Variants in TAPBP observed in about 807,000 individuals in gnomAD.
The protein encoded by TAPBP is TAP binding protein.
A neutral mutation model predicts 45.7 loss-of-function variants in TAPBP; 38 were observed. The observed-to-expected ratio is 0.83, with a 90% CI of 0.64 to 1.09. TAPBP has a LOEUF of 1.09. Ranked by LOEUF, TAPBP falls within the 50% of genes least tolerant of loss-of-function variation. The pLI is 0.00. For missense variants in TAPBP, 513 were observed against 587.3 expected (o/e 0.87, Z 1.31); for synonymous variants, 226 against 254.8 (o/e 0.89, Z 1.08).
chr6:33,310,260 A>G (rs1769256187), intron 3 of TAPBP, among the ~76,000 whole-genome samples: 1 of 149,684 alleles, frequency 6.7e-6, no homozygotes, highest in Non-Finnish European at 1.5e-5. Context: ...AATCCCAGCA[A>G]TTTGGGAGGC....
At chr6:33,311,213 G>A (rs911662693) in intron 3 of TAPBP, among the ~76,000 whole-genome samples, 2 of 152,232 alleles carry the variant, frequency 1.3e-5, no homozygotes, top group African/African-American at 4.8e-5. Flanking sequence ...CTACTGGGGA[G>A]GCTAAGGCAC....
chr6:33,305,452 T>G lies in TAPBP; in HGVS notation c.470-65A>C. 6.9e-7 allele frequency: 1 copy of G among 1,450,730 alleles called. No individual in the cohort carries two copies. Among genetic ancestry groups the G allele is most frequent in the Non-Finnish European group, 9.1e-7 (1 of 1,095,528 alleles). The allele number at this position is 1,450,730 out of a possible 1,614,324, so 89.9% of individuals were successfully genotyped here. On this transcript the variant is annotated intron_variant, in intron 3 of 7. Transcript: ENST00000434618. The surrounding 1 kb of genome is among the most constrained non-coding windows in gnomAD (Gnocchi z 4.4). ...AGGGAGAGAAAGAAGGAGAAAAAAA[T>G]AGAGAAATGCAGTTATTGGGGAGGG...
intron 7 of TAPBP, chr6:33,303,442 C>T (rs752321723): frequency 7.9e-6 from 2 of 251,576 alleles, no homozygotes; most frequent in Non-Finnish European, 1.5e-5. Flanking sequence ...AAAAAATCTT[C>T]AGGCCATGTG....
At chr6:33,302,847 T>C (rs958765139) in intron 7 of TAPBP, among the ~76,000 whole-genome samples, 1 of 151,960 alleles carries the variant, frequency 6.6e-6, no homozygotes, top group Admixed American at 6.6e-5. Flanking sequence ...TTCATCATGT[T>C]GGCTAAGCTG....
intron 4 of TAPBP, 168 bp from the exon 5 acceptor site, chr6:33,304,806 T>G (rs1280505107): frequency 8.0e-7 from 1 of 1,248,690 alleles, no homozygotes; most frequent in Non-Finnish European, 1.1e-6. Flanking sequence ...AATACCCATG[T>G]CAAAGCCCCT....
At chr6:33,307,684 G>A (rs1001939308) in intron 3 of TAPBP, among the ~76,000 whole-genome samples, 2 of 152,172 alleles carry the variant, frequency 1.3e-5, no homozygotes, top group Non-Finnish European at 2.9e-5. Flanking sequence ...TTACAGGCAT[G>A]AGCCACCACG....
intron 3 of TAPBP, among the ~76,000 whole-genome samples, chr6:33,309,783 G>A (rs1367892102): frequency 6.9e-6 from 1 of 145,450 alleles, no homozygotes; most frequent in Non-Finnish European, 1.5e-5. Flanking sequence ...GGAGTGCAGT[G>A]GCATGATCTT....
intron 7 of TAPBP, among the ~76,000 whole-genome samples, chr6:33,302,914 A>G (rs1322188576): frequency 6.6e-6 from 1 of 152,116 alleles, no homozygotes; most frequent in African/African-American, 2.4e-5. Flanking sequence ...AAGTGCAGGG[A>G]TTACAGGCAT....
chr6:33,305,109 A>G lies in TAPBP; in HGVS notation c.748T>C (p.Trp250Arg), dbSNP rs749823387. 5.0e-6 allele frequency: 8 copies of G among 1,614,054 alleles called. No homozygotes were observed. The Admixed American group carries it at 8.3e-5, about 17-fold the overall frequency. Reference sequence around the variant, plus strand: ...AGCCAGAAGGTCCCATTTCCGGTCCATGGGCCCCATGGCTCATCATCATCC... The same window carrying G: ...AGCCAGAAGGTCCCATTTCCGGTCCGTGGGCCCCATGGCTCATCATCATCC... ...AWDDDEPWGP[W>R]TGNGTFWLPT... Residue 250 changes from tryptophan to arginine, a missense_variant, in exon 4 of 8, where the codon TGG (tryptophan) becomes CGG (arginine). Coordinates refer to ENST00000434618, the MANE Select transcript of TAPBP (RefSeq NM_003190.5). The surrounding 1 kb of genome is among the most constrained non-coding windows in gnomAD (Gnocchi z 4.4).
chr6:33,304,247 C>T lies in TAPBP; in HGVS notation c.1211-30G>A, dbSNP rs563065646. On this transcript the variant is annotated intron_variant, in intron 5 of 7. Transcript: ENST00000434618. Reference sequence around the variant, plus strand: ...CAGGCAGAAGGGGTGAGAGTGAGCTCCTGTCTTCCTGGGTGCTGGCTCAGA... The same window carrying T: ...CAGGCAGAAGGGGTGAGAGTGAGCTTCTGTCTTCCTGGGTGCTGGCTCAGA... 2.5e-6 allele frequency: 4 copies of T among 1,609,310 alleles called. No homozygotes were observed. In the South Asian group the frequency reaches 4.4e-5, roughly 18 times the overall value.
intron 7 of TAPBP, among the ~76,000 whole-genome samples, chr6:33,303,279 C>T (rs1456308118): frequency 1.3e-5 from 2 of 151,840 alleles, no homozygotes; most frequent in Non-Finnish European, 2.9e-5. Flanking sequence ...ATTAGCCAGG[C>T]GTGGTGGTGG....
rs1768723064 is a variant in TAPBP at position 33,303,471 on chromosome 6, CAT to C, written c.1335+482_1335+483del. On this transcript the variant is annotated intron_variant, in intron 7 of 7. Coordinates refer to ENST00000434618, the MANE Select transcript of TAPBP (RefSeq NM_003190.5). ...CCATGTGTATAAGGTGTATAGGAAA[CAT>C]AAATGATTTCTGTGTTTAGATTTGG... 4.3e-5 allele frequency: 18 copies of C among 417,918 alleles called. No individual in the cohort carries two copies. In the South Asian group the frequency reaches 5.1e-4, roughly 12 times the overall value. The allele number at this position is 417,918 out of a possible 1,614,324, so 25.9% of individuals were successfully genotyped here. A position where few individuals can be genotyped will look rare whatever the true frequency, so the allele number is the denominator to read the frequency against.
chr6:33,301,768 C>T lies in TAPBP; in HGVS notation c.1339G>A (p.Ala447Thr). The change falls in exon 8 of 8, where the codon GCA becomes ACA. Residue 447 changes from alanine to threonine, a missense_variant. Ala to Thr is a moderately conservative substitution (Grantham distance 58). Transcript: ENST00000434618. ...GATGGCAGTGAGTGCCCTCACTCTG[C>T]TTTCTGGAAGAGAGGAAGGTGGTGA... ...LSTCKDSKKK[A>T]E is the part of the protein sequence containing the mutation. The T allele has an allele frequency of 6.2e-7, 1 of 1,614,038 alleles. No homozygotes were observed. The highest frequency in any genetic ancestry group is 8.5e-7 in the Non-Finnish European group (1 of 1,179,996).
In TAPBP at chr6:33,303,906, G is replaced by A. The variant is rs769690589; in HGVS notation, c.1335+49C>T. The stretch of plus-strand genomic sequence containing the variant: ...CCCTCCATGGGTTTTGAGATAGGAT[G>A]AGGAGATAAAGTGACAAGGGAAAGA... On this transcript the variant is annotated intron_variant, in intron 7 of 7. Coordinates refer to ENST00000434618, the MANE Select transcript of TAPBP (RefSeq NM_003190.5). 9.9e-6 allele frequency: 16 copies of A among 1,613,920 alleles called. No homozygotes were observed. The Admixed American group carries it at 1.3e-4, about 13-fold the overall frequency.
Position 33,305,629 on chromosome 6 carries a change from A to G in TAPBP, c.470-242T>C, listed in dbSNP as rs1399099342. ...AGGTCTAGGGGTGGTGAGTAGGGGC[A>G]ATGAGGGGGTATGGCCTTTGAAGCC... On this transcript the variant is annotated intron_variant, in intron 3 of 7. Coordinates refer to ENST00000434618, the MANE Select transcript of TAPBP (RefSeq NM_003190.5). The surrounding 1 kb of genome is among the most constrained non-coding windows in gnomAD (Gnocchi z 4.4). Among the ~76,000 whole-genome samples, 5 of 151,926 alleles carry G rather than the reference A, an allele frequency of 3.3e-5. No homozygotes were observed. Among genetic ancestry groups the G allele is most frequent in the Non-Finnish European group, 7.4e-5 (5 of 67,966 alleles).
Position 33,301,629 on chromosome 6 carries a change from AGC to A in TAPBP, c.*129_*130del. ...TATATAAGTGAAAGAAAAAAAAAAA[AGC>A]ATTCCAGCCACTCAGTGGAGAGAGA... is the stretch of plus-strand genomic sequence containing the variant. On this transcript the variant is annotated 3_prime_UTR_variant, in exon 8 of 8. Coordinates refer to ENST00000434618, the MANE Select transcript of TAPBP (RefSeq NM_003190.5). 2 of 781,312 alleles carry A rather than the reference AGC, an allele frequency of 2.6e-6. No individual in the cohort carries two copies. Among genetic ancestry groups the A allele is most frequent in the East Asian group, 2.7e-5 (1 of 36,670 alleles). The allele number at this position is 781,312 out of a possible 1,614,324, so 48.4% of individuals were successfully genotyped here. A position where few individuals can be genotyped will look rare whatever the true frequency, so the allele number is the denominator to read the frequency against.
chr6:33,304,992 A>G lies in TAPBP; in HGVS notation c.865T>C (p.Tyr289His). The change falls in exon 4 of 8, where the codon TAC (tyrosine) becomes CAC (histidine). Residue 289 changes from tyrosine to histidine, a missense_variant. Physicochemically the swap from Tyr to His is moderately conservative, Grantham distance 83 (BLOSUM62 2). Transcript: ENST00000434618. ...AGACCTCTGTCCCCCAACTCACTGT[A>G]CACAGCAAGCTCCAGGGTGACCTGT... ...QGQVTLELAV[Y>H]KPPKVSLMPA... 2 of 1,613,782 alleles carry G rather than the reference A, an allele frequency of 1.2e-6. No homozygotes were observed. Among genetic ancestry groups the G allele is most frequent in the South Asian group, 2.2e-5 (2 of 91,060 alleles).
chr6:33,303,450 G>C, intron 7 of TAPBP: 1 of 287,860 alleles, frequency 3.5e-6, no homozygotes, highest in African/African-American at 2.2e-5. Flanking sequence ...TTCAGGCCAT[G>C]TGTATAAGGT....
Position 33,300,939 on chromosome 6 carries a change from C to G in TAPBP, c.*821G>C, listed in dbSNP as rs1449501596. The stretch of plus-strand genomic sequence containing the variant: ...CGAGATCGCGCCACTGCACTCCAGC[C>G]TGGGCGACAGAGCGAGACTCCGTCT... On this transcript the variant is annotated 3_prime_UTR_variant, in exon 8 of 8. Transcript: ENST00000434618. The G allele has an allele frequency of 6.7e-6, 1 of 148,454 alleles. No individual in the cohort carries two copies. Among genetic ancestry groups the G allele is most frequent in the Admixed American group, 6.7e-5 (1 of 14,870 alleles). 9.2% of individuals were successfully genotyped at this position (148,454 alleles called of 1,614,324 possible). A position where few individuals can be genotyped will look rare whatever the true frequency, so the allele number is the denominator to read the frequency against.
Sources: allele counts gnomAD v4.1 joint callset (sites outside exome capture counted in the v4.1 genomes callset), GRCh38; gene constraint gnomAD v4.1.1; non-coding constraint Gnocchi (gnomAD v3.1); transcripts MANE v1.5; gene names NCBI Gene and HGNC (gene_info 2026-07-23, HGNC 2026-07-21).